The following GRID2 variants were observed in gnomAD, a reference collection of about 807,000 sequenced individuals.
The protein encoded by GRID2 is glutamate receptor ionotropic, delta-2.
GRID2 carries 33 observed loss-of-function variants against 114.8 expected under a neutral mutation model. That is an observed-to-expected ratio of 0.29 (90% CI 0.22 to 0.38). GRID2 has a LOEUF of 0.38. GRID2 is among the 10% of genes least tolerant of loss of function. The pLI is 1.00. For missense variants in GRID2, 1,184 were observed against 1,257.7 expected, an observed-to-expected ratio of 0.94 and a Z score of 0.89; for synonymous variants, 505 against 449.9, an observed-to-expected ratio of 1.12 and a Z score of -1.55.
At chr4:92,978,138 A>G (rs1352634447) in intron 2 of GRID2, among the ~76,000 whole-genome samples, 1 of 152,174 alleles carries the variant, frequency 6.6e-6, no homozygotes. Context: ...AAGGGCACAC[A>G]TGAAAGGAAA....
chr4:93,060,994 T>C (rs1208486367), intron 2 of GRID2, among the ~76,000 whole-genome samples: 2 of 151,880 alleles, frequency 1.3e-5, no homozygotes, highest in African/African-American at 4.8e-5. Flanking sequence ...TCCCAGCTAC[T>C]CAGGAGGCTG....
At chr4:92,525,010 T>C (rs1258714071) in intron 1 of GRID2, among the ~76,000 whole-genome samples, 1 of 151,892 alleles carries the variant, frequency 6.6e-6, no homozygotes, top group Non-Finnish European at 1.5e-5. Context: ...TACAGATGAA[T>C]AATGTGATAA....
chr4:92,682,821 A>G (rs1391341986), intron 2 of GRID2, among the ~76,000 whole-genome samples: 2 of 152,138 alleles, frequency 1.3e-5, no homozygotes, highest in Non-Finnish European at 2.9e-5. Context: ...TTATGTCACT[A>G]AAATTTAGTA....
At chr4:93,453,160 G>A (rs1722857975) in intron 10 of GRID2, among the ~76,000 whole-genome samples, 1 of 150,194 alleles carries the variant, frequency 6.7e-6, no homozygotes, top group Non-Finnish European at 1.5e-5. Context: ...GTCCTTGCTT[G>A]GCCTTTTTTT....
intron 1 of GRID2, among the ~76,000 whole-genome samples, chr4:92,356,405 G>A (rs185426300): frequency 5.6e-4 from 84 of 151,340 alleles, no homozygotes; most frequent in African/African-American, 1.9e-3. Flanking sequence ...TTAGGAAAAC[G>A]TTCTATTTTA....
chr4:92,352,777 T>G (rs1413021262), intron 1 of GRID2, among the ~76,000 whole-genome samples: 1 of 150,872 alleles, frequency 6.6e-6, no homozygotes, highest in African/African-American at 2.4e-5. Context: ...TTGTTGTTGT[T>G]GAGTAGCAGG....
chr4:92,412,758 G>T (rs969626415), intron 1 of GRID2, among the ~76,000 whole-genome samples: 7 of 152,156 alleles, frequency 4.6e-5, no homozygotes, highest in Admixed American at 1.3e-4. Context: ...ACTCTGAATT[G>T]CTTACAGGTC....
At position 92,971,272 on chromosome 4, in the gene GRID2, G is replaced by A. The variant is rs557023110; in HGVS notation, c.245-113723G>A. Reference sequence around the variant, plus strand: ...TTTTCTTAATGCATATTTTAAGCAGGAAGAGCAGGGACATAGGCACTTTAT... The same window carrying A: ...TTTTCTTAATGCATATTTTAAGCAGAAAGAGCAGGGACATAGGCACTTTAT... On this transcript the variant is annotated intron_variant, in intron 2 of 15. Coordinates refer to ENST00000282020, the MANE Select transcript of GRID2 (RefSeq NM_001510.4). Among the ~76,000 whole-genome samples the A allele has an allele frequency of 7.9e-5, 12 of 152,086 alleles. No individual in the cohort carries two copies. The South Asian group carries it at 2.1e-3, about 26-fold the overall frequency.
At chr4:92,503,029 A>C (rs891892628) in intron 1 of GRID2, among the ~76,000 whole-genome samples, 4 of 152,054 alleles carry the variant, frequency 2.6e-5, no homozygotes, top group African/African-American at 9.7e-5. Flanking sequence ...AAGATAAAAA[A>C]TTAAGGTTTC....
At chr4:93,541,035 A>G (rs763350327) in intron 13 of GRID2, among the ~76,000 whole-genome samples, 1 of 152,190 alleles carries the variant, frequency 6.6e-6, no homozygotes, top group Non-Finnish European at 1.5e-5. Context: ...AGTTCCCAAA[A>G]CCCAAATGAA....
intron 2 of GRID2, among the ~76,000 whole-genome samples, chr4:92,962,421 C>G (rs1384412785): frequency 6.6e-6 from 1 of 151,734 alleles, no homozygotes; most frequent in Non-Finnish European, 1.5e-5. Flanking sequence ...CCCTCCCACC[C>G]TCTTTTACCT....
intron 4 of GRID2, among the ~76,000 whole-genome samples, chr4:93,113,534 G>T (rs1732965835): frequency 6.6e-6 from 1 of 152,132 alleles, no homozygotes; most frequent in Non-Finnish European, 1.5e-5. Flanking sequence ...CTAGTTCACT[G>T]GTTTTCCAGT....
At chr4:93,572,905 T>A (rs796204059) in intron 13 of GRID2, among the ~76,000 whole-genome samples, 1 of 152,252 alleles carries the variant, frequency 6.6e-6, no homozygotes, top group African/African-American at 2.4e-5. Context: ...TGTATTATTG[T>A]ACATATTTTA....
intron 8 of GRID2, among the ~76,000 whole-genome samples, chr4:93,259,193 C>T (rs964637759): frequency 2.0e-5 from 3 of 151,704 alleles, no homozygotes; most frequent in African/African-American, 7.3e-5. Context: ...ACCTAGGAGA[C>T]AAGTTGGTTG....
chr4:92,363,723 T>G (rs1186038627), intron 1 of GRID2, among the ~76,000 whole-genome samples: 1 of 152,016 alleles, frequency 6.6e-6, no homozygotes, highest in Admixed American at 6.6e-5. Flanking sequence ...GGGTTTAGCT[T>G]AGTGTTCATT....
At chr4:93,406,552 A>G (rs924910791) in intron 9 of GRID2, among the ~76,000 whole-genome samples, 2 of 152,198 alleles carry the variant, frequency 1.3e-5, no homozygotes, top group Non-Finnish European at 2.9e-5. Flanking sequence ...GTGTGGGCAA[A>G]GAATGACAGG....
intron 8 of GRID2, among the ~76,000 whole-genome samples, chr4:93,394,526 T>A (rs1376993828): frequency 6.6e-6 from 1 of 151,866 alleles, no homozygotes; most frequent in Non-Finnish European, 1.5e-5. Flanking sequence ...CCAGCCAGTA[T>A]GTAGATGACT....
At chr4:92,954,228 C>T (rs1340153150) in intron 2 of GRID2, among the ~76,000 whole-genome samples, 1 of 151,778 alleles carries the variant, frequency 6.6e-6, no homozygotes, top group East Asian at 1.9e-4. Context: ...CAAACATATA[C>T]ACACACATAT....
chr4:93,794,833 C>T (rs573209948), intron 1 of GRID2, among the ~76,000 whole-genome samples: 2 of 152,262 alleles, frequency 1.3e-5, no homozygotes, highest in South Asian at 2.1e-4. Flanking sequence ...CTAGGATATT[C>T]TTCATGAATG....
Sources: allele counts gnomAD v4.1 joint callset (sites outside exome capture counted in the v4.1 genomes callset), GRCh38; gene constraint gnomAD v4.1.1; transcripts MANE v1.5; gene names NCBI Gene and HGNC (gene_info 2026-07-23, HGNC 2026-07-21).